Variants in RASGRP2 observed in about 807,000 individuals in gnomAD.
RASGRP2 encodes the protein RAS guanyl-releasing protein 2.
RASGRP2 carries 44 observed loss-of-function variants against 71.0 expected under a neutral mutation model. That is an observed-to-expected ratio of 0.62 (90% CI 0.49 to 0.80). The LOEUF (loss-of-function observed/expected upper bound fraction) is 0.80. Ranked by LOEUF, RASGRP2 falls within the 30% of genes least tolerant of loss-of-function variation. The pLI is 0.00. For synonymous variants in RASGRP2, 350 were observed against 330.7 expected, an observed-to-expected ratio of 1.06 and a Z score of -0.63; for missense variants, 663 against 813.4, an observed-to-expected ratio of 0.82 and a Z score of 2.25.
In RASGRP2 at chr11:64,743,973, C is replaced by G. The variant is rs2058228399; in HGVS notation, c.-72+30G>C. 1 of 989,748 alleles carries G rather than the reference C, an allele frequency of 1.0e-6. No homozygotes were observed. The highest frequency in any genetic ancestry group is 1.1e-4 in the East Asian group (1 of 8,816). 61.3% of individuals were successfully genotyped at this position (989,748 alleles called of 1,614,324 possible). On this transcript the variant is annotated intron_variant, in intron 1 of 16. Transcript: ENST00000394432. The surrounding 1 kb of genome is among the most constrained non-coding windows in gnomAD (Gnocchi z 4.9). ...AATGGCACCCACACCCTGTGCACAC[C>G]TGCACGAAGAAACCCTCAGGCACAC... is the stretch of plus-strand genomic sequence containing the variant.
chr11:64,727,082 GGTT>G lies in RASGRP2; in HGVS notation c.*53_*55del. 2.0e-6 allele frequency: 1 copy of G among 500,306 alleles called. No homozygotes were observed. Among genetic ancestry groups the G allele is most frequent in the Non-Finnish European group, 3.7e-6 (1 of 266,840 alleles). 31.0% of individuals were successfully genotyped at this position (500,306 alleles called of 1,614,324 possible). ...CCGACACCCCCAGGCTCCCTGCTCT[GGTT>G]GAAGTATTTTCTCCAAGGCAGGAAT... is the stretch of plus-strand genomic sequence containing the variant. On this transcript the variant is annotated 3_prime_UTR_variant, in exon 17 of 17. Transcript: ENST00000394432.
Position 64,737,035 on chromosome 11 carries a change from C to G in RASGRP2, c.814-1G>C. The G allele has an allele frequency of 1.2e-6, 2 of 1,613,750 alleles. No individual in the cohort carries two copies. Among genetic ancestry groups the G allele is most frequent in the Non-Finnish European group, 1.7e-6 (2 of 1,180,020 alleles). ...CTAGTTCCGTGAGACCCTCCCAGAG[C>G]TGGGGACAAAGGACAGAGGAGTCAT... On this transcript the variant is annotated splice_acceptor_variant, in intron 8 of 16. Transcript: ENST00000394432. LOFTEE classifies it high-confidence loss of function.
At chr11:64,729,933 T>G in intron 13 of RASGRP2, 120 bp downstream of exon 13, 2 of 1,543,886 alleles carry the variant, frequency 1.3e-6, no homozygotes, top group Non-Finnish European at 1.8e-6. Context: ...GAGAGGCAAA[T>G]AGAATTACCA....
rs2058186127 is a variant in RASGRP2 at position 64,742,983 on chromosome 11, G to A, written c.-71-46C>T. The A allele has an allele frequency of 6.6e-7, 1 of 1,508,164 alleles. No homozygotes were observed. Among genetic ancestry groups the A allele is most frequent in the Non-Finnish European group, 8.8e-7 (1 of 1,132,830 alleles). 93.4% of individuals were successfully genotyped at this position (1,508,164 alleles called of 1,614,324 possible). A position where few individuals can be genotyped will look rare whatever the true frequency, so the allele number is the denominator to read the frequency against. ...CGGGAGTCTGCGGAGTCGCGGGCGG[G>A]GGAGCGGCCCCGCGGGCAGAAACGG... is the stretch of plus-strand genomic sequence containing the variant. On this transcript the variant is annotated intron_variant, in intron 1 of 16. Coordinates refer to ENST00000394432, the MANE Select transcript of RASGRP2 (RefSeq NM_001098671.2). The surrounding 1 kb of genome is among the most constrained non-coding windows in gnomAD (Gnocchi z 4.7).
At chr11:64,740,551 G>A (rs1164312494) in intron 5 of RASGRP2, 1 of 649,114 alleles carries the variant, frequency 1.5e-6, no homozygotes, top group Admixed American at 2.1e-5. Flanking sequence ...GAAAACAGAG[G>A]TGGGAACGAC....
rs1339882402 is a variant in RASGRP2, at chr11:64,735,105, T to C, written c.1412+7A>G. 1.9e-6 allele frequency: 3 copies of C among 1,608,180 alleles called. No homozygotes were observed. In the Admixed American group the frequency reaches 5.0e-5, roughly 27 times the overall value. On this transcript the variant is annotated splice_region_variant and intron_variant, in intron 12 of 16. Transcript: ENST00000394432. This position sits in a 1 kb window ranked among gnomAD's most constrained non-coding sequence, Gnocchi z 4.2. ...TCCCTCTCCCCCAGGTCCCCAGCCC[T>C]CCTCACTGGTTCTGGTCGAGGTCCC...
Position 64,735,999 on chromosome 11 carries a change from A to G in RASGRP2, c.1096-19T>C. 1 of 1,611,190 alleles carries G rather than the reference A, an allele frequency of 6.2e-7. No homozygotes were observed. Among genetic ancestry groups the G allele is most frequent in the South Asian group, 1.1e-5 (1 of 90,954 alleles). On this transcript the variant is annotated intron_variant, in intron 9 of 16. Coordinates refer to ENST00000394432, the MANE Select transcript of RASGRP2 (RefSeq NM_001098671.2). The surrounding 1 kb of genome is among the most constrained non-coding windows in gnomAD (Gnocchi z 4.2). ...GAGACACCTGGGACACACAGATCTG[A>G]TCACCCCCACTGGCCCCTGCCCACA...
chr11:64,729,078 T>C lies in RASGRP2; in HGVS notation c.1592-36A>G, dbSNP rs772730741. The C allele has an allele frequency of 3.2e-6, 5 of 1,556,762 alleles. No homozygotes were observed. In the South Asian group the frequency reaches 5.8e-5, roughly 18 times the overall value. On this transcript the variant is annotated intron_variant, in intron 14 of 16. Coordinates refer to ENST00000394432, the MANE Select transcript of RASGRP2 (RefSeq NM_001098671.2). ...GCAAATGGAGAGCCAGCCAGGGACA[T>C]TGGTCAGAATACCCTCCATCCCATC...
intron 14 of RASGRP2, among the ~76,000 whole-genome samples, chr11:64,729,346 T>TC (rs1315922893): frequency 6.7e-6 from 1 of 148,930 alleles, no homozygotes; most frequent in African/African-American, 2.5e-5. Flanking sequence ...TTTTTGTTGT[T>TC]TTTTTTTTTG....
At chr11:64,741,284 AG>A (rs1432570699) in intron 4 of RASGRP2, among the ~76,000 whole-genome samples, 154 bp downstream of exon 4, 1 of 152,256 alleles carries the variant, frequency 6.6e-6, no homozygotes, top group African/African-American at 2.4e-5. Context: ...GCCCAGACCC[AG>A]GAAGGGGTGA....
Position 64,743,472 on chromosome 11 carries a change from G to C in RASGRP2, c.-72+531C>G, listed in dbSNP as rs1219741133. ...GCCCAGGAAGGCGAGGCGGGGCTGCGGCAGCCCCCAGGGGGCCTGCCCTAG... is the reference window on the plus strand; with the variant it reads ...GCCCAGGAAGGCGAGGCGGGGCTGCCGCAGCCCCCAGGGGGCCTGCCCTAG... On this transcript the variant is annotated intron_variant, in intron 1 of 16. Transcript: ENST00000394432. This position sits in a 1 kb window ranked among gnomAD's most constrained non-coding sequence, Gnocchi z 4.9. 5.7e-6 allele frequency: 2 copies of C among 350,036 alleles called. No individual in the cohort carries two copies. Among genetic ancestry groups the C allele is most frequent in the Non-Finnish European group, 1.1e-5 (2 of 177,286 alleles). The allele number at this position is 350,036 out of a possible 1,614,324, so 21.7% of individuals were successfully genotyped here.
intron 12 of RASGRP2, among the ~76,000 whole-genome samples, chr11:64,733,868 G>C (rs995863123): frequency 3.5e-5 from 1 of 28,624 alleles, no homozygotes; most frequent in East Asian, 1.0e-3. Flanking sequence ...TTTTTTTTTT[G>C]ATGGGGGTGA....
rs1198856803 is a variant in RASGRP2 at position 64,735,850 on chromosome 11, C to A, written c.1173+53G>T. On this transcript the variant is annotated intron_variant, in intron 10 of 16. Coordinates refer to ENST00000394432, the MANE Select transcript of RASGRP2 (RefSeq NM_001098671.2). The surrounding 1 kb of genome is among the most constrained non-coding windows in gnomAD (Gnocchi z 4.2). Reference sequence around the variant, plus strand: ...TAAGAGCTCTTCCCATCCTCACATCCTGGGATTCTCAGGAGGGAAGGGCAG... The same window carrying A: ...TAAGAGCTCTTCCCATCCTCACATCATGGGATTCTCAGGAGGGAAGGGCAG... The A allele has an allele frequency of 2.5e-6, 4 of 1,570,876 alleles. No individual in the cohort carries two copies. In the East Asian group the frequency reaches 9.0e-5, roughly 36 times the overall value.
chr11:64,738,675 G>A (rs939646253), intron 8 of RASGRP2, among the ~76,000 whole-genome samples: 1 of 151,986 alleles, frequency 6.6e-6, no homozygotes, highest in African/African-American at 2.4e-5. Context: ...CTGATGTCAC[G>A]TGATCTGCCC....
intron 8 of RASGRP2, among the ~76,000 whole-genome samples, chr11:64,738,063 T>C (rs1010886309): frequency 6.6e-6 from 1 of 151,658 alleles, no homozygotes; most frequent in Non-Finnish European, 1.5e-5. Flanking sequence ...AATAAATAAA[T>C]GAATTGGGGT....
In RASGRP2 at chr11:64,740,939, C is replaced by G; in HGVS notation, c.371+9G>C. 1.9e-6 allele frequency: 3 copies of G among 1,614,014 alleles called. No individual in the cohort carries two copies. Among genetic ancestry groups the G allele is most frequent in the Non-Finnish European group, 2.5e-6 (3 of 1,179,986 alleles). On this transcript the variant is annotated intron_variant, in intron 5 of 16. Transcript: ENST00000394432. Reference sequence around the variant, plus strand: ...TGCCCCCCCAGCCCTCTGTGCTCCCCCCACGCACACGCTGTCTATGTCGAT... The same window carrying G: ...TGCCCCCCCAGCCCTCTGTGCTCCCGCCACGCACACGCTGTCTATGTCGAT...
chr11:64,729,971 G>T, intron 13 of RASGRP2, 82 bp downstream of exon 13: 1 of 1,524,786 alleles, frequency 6.6e-7, no homozygotes, highest in Non-Finnish European at 8.9e-7. Context: ...AAGGGCTCTG[G>T]CAGAGGCGGG....
chr11:64,737,089 C>A (rs923373106), intron 8 of RASGRP2, 55 bp from the exon 9 acceptor site: 2 of 1,603,318 alleles, frequency 1.2e-6, no homozygotes, highest in South Asian at 1.1e-5. Flanking sequence ...CCTACCTCAG[C>A]CCTGGAAATG....
intron 9 of RASGRP2, among the ~76,000 whole-genome samples, chr11:64,736,364 C>A (rs1292797187): frequency 6.6e-6 from 1 of 152,030 alleles, no homozygotes; most frequent in Non-Finnish European, 1.5e-5. Flanking sequence ...CAGAACCCAA[C>A]TCCCACCCTA....
Sources: allele counts gnomAD v4.1 joint callset (sites outside exome capture counted in the v4.1 genomes callset), GRCh38; gene constraint gnomAD v4.1.1; non-coding constraint Gnocchi (gnomAD v3.1); transcripts MANE v1.5; gene names NCBI Gene and HGNC (gene_info 2026-07-23, HGNC 2026-07-21).